Variants in TEX2 observed in about 807,000 individuals in gnomAD.
TEX2 encodes testis-expressed protein 2.
A neutral mutation model predicts 106.9 loss-of-function variants in TEX2; 53 were observed. The observed-to-expected ratio is 0.50, with a 90% CI of 0.40 to 0.62. The LOEUF is 0.62. Ranked by LOEUF, TEX2 falls within the 20% of genes least tolerant of loss-of-function variation. The pLI is 0.00. For synonymous variants in TEX2, 523 were observed against 534.8 expected (o/e 0.98, Z 0.30); for missense variants, 1,207 against 1,379.0 (o/e 0.88, Z 1.98).
intron 8 of TEX2, among the ~76,000 whole-genome samples, chr17:64,159,504 C>T (rs1867619): frequency 0.53 from 79,994 of 151,938 alleles, 22,915 homozygotes; most frequent in East Asian, 0.82. Flanking sequence ...ATAAGACTTT[C>T]CCTGTCAGGA....
rs190399934 is a variant in TEX2 at position 64,153,338 on chromosome 17, C to T, written c.2931-184G>A. On this transcript the variant is annotated intron_variant, in intron 9 of 11. Transcript: ENST00000584379. The surrounding 1 kb of genome is among the most constrained non-coding windows in gnomAD (Gnocchi z 4.1). ...GTTCAGCAGCATCCCTGGTCTCTAC[C>T]TACCAGATGCCAATAGCACTCCCCC... is the stretch of plus-strand genomic sequence containing the variant. Among the ~76,000 whole-genome samples, 3 of 152,328 alleles carry T rather than the reference C, an allele frequency of 2.0e-5. No homozygotes were observed. Among genetic ancestry groups the T allele is most frequent in the South Asian group, 4.1e-4 (2 of 4,822 alleles).
chr17:64,206,332 C>A (rs1163298266), intron 2 of TEX2, among the ~76,000 whole-genome samples: 1 of 152,222 alleles, frequency 6.6e-6, no homozygotes, highest in Non-Finnish European at 1.5e-5. Context: ...GCTCTAAGTC[C>A]TATGAGCTTC....
rs2033110962 is a variant in TEX2 at position 64,214,013 on chromosome 17, G to C, written c.205C>G (p.Leu69Val). The C allele has an allele frequency of 6.2e-7, 1 of 1,614,212 alleles. No homozygotes were observed. The change falls in exon 2 of 12, where the codon CTG becomes GTG. Residue 69 changes from leucine (L) to valine (V), a missense_variant. Physicochemically the swap from Leu to Val is conservative, Grantham distance 32 (BLOSUM62 1). Around this residue, in one of 3 missense-constraint regions of TEX2, gnomAD observed 1,067 missense variants for 1,193.6 expected, o/e 0.89. Transcript: ENST00000584379. The part of the protein sequence containing the change: ...GLDDQSIVTG[L>V]EAKEDLYLEP... ...AGATAGAGGTCTTCCTTGGCTTCCA[G>C]CCCTGTTACAATGCTTTGGTCATCC... is the stretch of plus-strand genomic sequence containing the variant.
intron 1 of TEX2, among the ~76,000 whole-genome samples, chr17:64,214,578 G>C (rs938927565): frequency 5.3e-5 from 8 of 152,074 alleles, no homozygotes; most frequent in African/African-American, 1.9e-4. Context: ...CTGAACAATA[G>C]ATGTTACCAG....
chr17:64,221,755 C>A (rs971988990), intron 1 of TEX2, among the ~76,000 whole-genome samples: 12 of 152,164 alleles, frequency 7.9e-5, no homozygotes, highest in Non-Finnish European at 1.5e-4. Flanking sequence ...GCATTTCAGA[C>A]AATGGCCAAG....
In TEX2 at chr17:64,148,160, CTG is replaced by C. The variant is rs946029587; in HGVS notation, c.*807_*808del. On this transcript the variant is annotated 3_prime_UTR_variant, in exon 12 of 12. Transcript: ENST00000584379. ...ACACAGGAAACGCCAGATGGAAAAA[CTG>C]GCTCTGGCTTTCTAACCCCATCCCA... is the stretch of plus-strand genomic sequence containing the variant. 4 of 152,674 alleles carry C rather than the reference CTG, an allele frequency of 2.6e-5. No homozygotes were observed. Among genetic ancestry groups the C allele is most frequent in the African/African-American group, 9.6e-5 (4 of 41,460 alleles). The allele number at this position is 152,674 out of a possible 1,614,324, so 9.5% of individuals were successfully genotyped here.
chr17:64,223,095 C>T (rs2033405005), intron 1 of TEX2, among the ~76,000 whole-genome samples: 1 of 152,120 alleles, frequency 6.6e-6, no homozygotes, highest in Non-Finnish European at 1.5e-5. Context: ...TTAGTAGCTG[C>T]CATCTAACTT....
intron 7 of TEX2, among the ~76,000 whole-genome samples, chr17:64,168,636 T>C (rs985544120): frequency 6.6e-6 from 1 of 152,168 alleles, no homozygotes; most frequent in Non-Finnish European, 1.5e-5. Context: ...TCCTCGGAAA[T>C]TTCTACAAAT....
intron 1 of TEX2, among the ~76,000 whole-genome samples, chr17:64,216,962 T>C (rs950025698): frequency 6.6e-6 from 1 of 152,158 alleles, no homozygotes; most frequent in Non-Finnish European, 1.5e-5. Flanking sequence ...AGGTTCACAG[T>C]AAATGCCCCC....
chr17:64,254,552 T>C (rs1365296303), intron 1 of TEX2, among the ~76,000 whole-genome samples: 1 of 152,246 alleles, frequency 6.6e-6, no homozygotes, highest in African/African-American at 2.4e-5. Context: ...TGGTCTGTTG[T>C]ACCATGATGC....
intron 1 of TEX2, among the ~76,000 whole-genome samples, chr17:64,243,500 T>C (rs954549336): frequency 1.3e-5 from 2 of 152,188 alleles, no homozygotes; most frequent in Non-Finnish European, 2.9e-5. Context: ...TTGGAAGCAC[T>C]ACTGTCAGGC....
chr17:64,193,445 A>G (rs2032364659), intron 4 of TEX2, 114 bp downstream of exon 4: 6 of 824,036 alleles, frequency 7.3e-6, no homozygotes, highest in Non-Finnish European at 1.1e-5. Context: ...GTGGCAGACA[A>G]CCATCAGTTC....
chr17:64,225,311 A>G (rs1429062066), intron 1 of TEX2, among the ~76,000 whole-genome samples: 1 of 152,082 alleles, frequency 6.6e-6, no homozygotes, highest in Non-Finnish European at 1.5e-5. Context: ...AAAAAAGAAT[A>G]TTGTGGATAT....
intron 1 of TEX2, among the ~76,000 whole-genome samples, chr17:64,238,735 C>T (rs144537052): frequency 0.032 from 4,813 of 152,284 alleles, 129 homozygotes; most frequent in South Asian, 0.1. Context: ...CCACCAGGTC[C>T]CTCCCATGAC....
At chr17:64,252,579 G>C (rs782656277) in intron 1 of TEX2, among the ~76,000 whole-genome samples, 2 of 152,070 alleles carry the variant, frequency 1.3e-5, no homozygotes, top group Non-Finnish European at 2.9e-5. Context: ...GCCTCCCAAA[G>C]TGCTGGGATT....
intron 9 of TEX2, among the ~76,000 whole-genome samples, chr17:64,154,490 A>G (rs998642448): frequency 6.6e-6 from 1 of 152,092 alleles, no homozygotes; most frequent in Non-Finnish European, 1.5e-5. Context: ...AAGCAAATGC[A>G]CTCCAGCTGA....
chr17:64,172,568 C>T (rs1456846193), intron 6 of TEX2, among the ~76,000 whole-genome samples: 1 of 151,852 alleles, frequency 6.6e-6, no homozygotes, highest in Non-Finnish European at 1.5e-5. Flanking sequence ...GGGCATTTGT[C>T]CCCCCCATCT....
chr17:64,203,021 G>C (rs2032719040), intron 2 of TEX2, among the ~76,000 whole-genome samples: 1 of 152,030 alleles, frequency 6.6e-6, no homozygotes, highest in Non-Finnish European at 1.5e-5. Context: ...TCTATAAAGG[G>C]GCCATTTAAT....
intron 1 of TEX2, among the ~76,000 whole-genome samples, chr17:64,237,574 G>A (rs1451728724): frequency 2.0e-5 from 3 of 152,166 alleles, no homozygotes; most frequent in Admixed American, 1.3e-4. Flanking sequence ...CCGGACTAGC[G>A]GGGTGGCTGT....
Sources: gnomAD v4.1 joint callset for allele counts (sites outside exome capture counted in the v4.1 genomes callset) on GRCh38, gnomAD v4.1.1 for gene constraint, gnomAD v4.1.1 regional missense constraint, Gnocchi (gnomAD v3.1) non-coding constraint, MANE v1.5 for transcripts, NCBI Gene and HGNC (gene_info 2026-07-23, HGNC 2026-07-21) for gene names.